Variants in ELAPOR2 observed in about 807,000 individuals in gnomAD.
ELAPOR2 encodes the protein endosome-lysosome associated apoptosis and autophagy regulator family member 2.
A neutral mutation model predicts 120.7 loss-of-function variants in ELAPOR2; 89 were observed. The ratio of observed to expected loss-of-function variants is 0.74; its 90% confidence interval spans 0.62 to 0.88. The LOEUF (loss-of-function observed/expected upper bound fraction) is 0.88, where lower values mean the gene tolerates loss of function less well. Among genes scored for constraint, ELAPOR2 ranks in the 40% least tolerant of loss-of-function variants. The pLI, the probability that ELAPOR2 is intolerant of heterozygous loss-of-function variation, is 0.00. For synonymous variants in ELAPOR2, 444 were observed against 444.9 expected (o/e 1.00, Z 0.03); for missense variants, 1,134 against 1,251.6 (o/e 0.91, Z 1.42).
At position 86,879,677 on chromosome 7, in the gene ELAPOR2, C is replaced by T. The variant is rs73382360; in HGVS notation, c.*794G>A. ...TTTCCTATTTACTTTAATTATACTT[C>T]TAGCACTACATAAACTGTTTTAAGT... is the stretch of plus-strand genomic sequence containing the variant. On this transcript the variant is annotated 3_prime_UTR_variant, in exon 22 of 22. Transcript: ENST00000450689. 55 of 152,298 alleles carry T rather than the reference C, an allele frequency of 3.6e-4. No homozygotes were observed. Among genetic ancestry groups the T allele is most frequent in the African/African-American group, 1.2e-3 (50 of 41,582 alleles). The allele number at this position is 152,298 out of a possible 1,614,324, so 9.4% of individuals were successfully genotyped here. A position where few individuals can be genotyped will look rare whatever the true frequency, so the allele number is the denominator to read the frequency against.
intron 5 of ELAPOR2, 43 bp from the exon 6 acceptor site, chr7:86,940,158 G>T: frequency 7.9e-7 from 1 of 1,264,040 alleles, no homozygotes; most frequent in Non-Finnish European, 1.1e-6. Flanking sequence ...GATAAGCCAT[G>T]CCATTTCCAA....
At chr7:86,946,642 C>T (rs1215271636) in intron 3 of ELAPOR2, among the ~76,000 whole-genome samples, 4 of 152,188 alleles carry the variant, frequency 2.6e-5, no homozygotes, top group African/African-American at 7.2e-5. Context: ...CTGCCTCGAC[C>T]TCCCAAAGTG....
chr7:86,935,273 G>A (rs1790514375), intron 8 of ELAPOR2, among the ~76,000 whole-genome samples: 1 of 151,922 alleles, frequency 6.6e-6, no homozygotes, highest in Admixed American at 6.6e-5. Context: ...GCAATCCCTT[G>A]CCCACATCCC....
chr7:86,920,807 C>G (rs1487032050), intron 10 of ELAPOR2: 1 of 152,242 alleles, frequency 6.6e-6, no homozygotes, highest in Admixed American at 6.6e-5. Context: ...TTCCCAGGCA[C>G]TGATAGAGGT....
At chr7:87,004,901 C>A (rs1793424895) in intron 1 of ELAPOR2, among the ~76,000 whole-genome samples, 1 of 152,110 alleles carries the variant, frequency 6.6e-6, no homozygotes, top group Non-Finnish European at 1.5e-5. Flanking sequence ...ATAAATCCTA[C>A]ATAGTAAGCA....
Position 87,055,654 on chromosome 7 carries a change from T to C in ELAPOR2, c.189+3671A>G, listed in dbSNP as rs192302324. 9.2e-5 allele frequency among the ~76,000 whole-genome samples: 14 copies of C among 152,270 alleles called. No homozygotes were observed. The East Asian group carries it at 2.5e-3, about 27-fold the overall frequency. On this transcript the variant is annotated intron_variant, in intron 1 of 21. Transcript: ENST00000450689. ...AATTAAGTCTCATTCACTTCCTCCA[T>C]AGGGCCTTTTCTGATCCCACCCCCC... is the stretch of plus-strand genomic sequence containing the variant.
chr7:87,008,541 T>A (rs907532155), intron 1 of ELAPOR2, among the ~76,000 whole-genome samples: 2 of 152,216 alleles, frequency 1.3e-5, no homozygotes, highest in Non-Finnish European at 2.9e-5. Context: ...CTTGTTCTTA[T>A]GGAAAGATGT....
At chr7:86,893,717 C>G (rs1788301908) in intron 19 of ELAPOR2, among the ~76,000 whole-genome samples, 1 of 152,016 alleles carries the variant, frequency 6.6e-6, no homozygotes, top group African/African-American at 2.4e-5. Context: ...ACTACCCACA[C>G]CAGTTACTTT....
In ELAPOR2 at chr7:86,909,915, C is replaced by A. The variant is rs1039849383; in HGVS notation, c.2256G>T (p.Leu752Phe). ...IVAGSDDYTN[L>F]VGAFVCQSTI... ...TTGACTGGCATACAAATGCCCCTAC[C>A]AAATTTGTGTAATCATCTGACCCTG... is the stretch of plus-strand genomic sequence containing the variant. Residue 752 changes from leucine (L) to phenylalanine (F), a missense_variant, in exon 16 of 22, where the codon TTG (leucine) becomes TTT (phenylalanine). Physicochemically the swap from Leu to Phe is conservative, Grantham distance 22. Coordinates refer to ENST00000450689, the MANE Select transcript of ELAPOR2 (RefSeq NM_001142749.3). 6 of 1,613,042 alleles carry A rather than the reference C, an allele frequency of 3.7e-6. No individual in the cohort carries two copies. The highest frequency in any genetic ancestry group is 5.1e-6 in the Non-Finnish European group (6 of 1,179,394).
At chr7:86,915,213 T>C (rs1789512785) in intron 12 of ELAPOR2, among the ~76,000 whole-genome samples, 1 of 152,078 alleles carries the variant, frequency 6.6e-6, no homozygotes, top group Non-Finnish European at 1.5e-5. Flanking sequence ...CTCCTCAAAC[T>C]TCTTACAATA....
intron 21 of ELAPOR2, among the ~76,000 whole-genome samples, chr7:86,891,012 A>G (rs560081643): frequency 1.0e-3 from 153 of 152,144 alleles, no homozygotes; most frequent in Non-Finnish European, 1.6e-3. Context: ...TTTTAAGTCA[A>G]TGGTGAAAAA....
chr7:86,897,458 T>C lies in ELAPOR2; in HGVS notation c.2685+48A>G, dbSNP rs754141464. ...TGAGTTTCTATGATTTGATGCCAGA[T>C]TAACCAACTATAATGCCGAAGCTCT... On this transcript the variant is annotated intron_variant, in intron 19 of 21. Coordinates refer to ENST00000450689, the MANE Select transcript of ELAPOR2 (RefSeq NM_001142749.3). 8 of 1,585,700 alleles carry C rather than the reference T, an allele frequency of 5.0e-6. No homozygotes were observed. In the Admixed American group the frequency reaches 9.0e-5, roughly 18 times the overall value.
intron 19 of ELAPOR2, among the ~76,000 whole-genome samples, chr7:86,894,009 C>G (rs1049450455): frequency 6.6e-5 from 10 of 151,994 alleles, no homozygotes; most frequent in African/African-American, 2.4e-4. Context: ...ATTAAACTTT[C>G]TGGTATATGA....
At position 87,059,350 on chromosome 7, in the gene ELAPOR2, C is replaced by A; in HGVS notation, c.164G>T (p.Ser55Ile). The A allele has an allele frequency of 8.0e-7, 1 of 1,247,958 alleles. No homozygotes were observed. 77.3% of individuals were successfully genotyped at this position (1,247,958 alleles called of 1,614,324 possible). A position where few individuals can be genotyped will look rare whatever the true frequency, so the allele number is the denominator to read the frequency against. The change falls in exon 1 of 22, where the codon AGC becomes ATC. Residue 55 changes from serine to isoleucine, a missense_variant. Ser to Ile is a moderately radical substitution (Grantham distance 142). Transcript: ENST00000450689. Reference sequence around the variant, plus strand: ...CTCCTGGCAAGGAGGAAGCGGGCGGCTGGAGGAGGAGGGCAGGTCCCCAGC... The same window carrying A: ...CTCCTGGCAAGGAGGAAGCGGGCGGATGGAGGAGGAGGGCAGGTCCCCAGC... ...AWAGDLPSSS[S>I]RPLPPCQEKD...
chr7:87,036,208 T>C (rs1460983747), intron 1 of ELAPOR2, among the ~76,000 whole-genome samples: 1 of 152,218 alleles, frequency 6.6e-6, no homozygotes, highest in African/African-American at 2.4e-5. Flanking sequence ...GCATGGTGCC[T>C]CACACCTGCA....
chr7:86,904,882 A>G (rs149581211), intron 18 of ELAPOR2, among the ~76,000 whole-genome samples: 6 of 152,198 alleles, frequency 3.9e-5, no homozygotes, highest in Non-Finnish European at 8.8e-5. Flanking sequence ...AAGAAATGAG[A>G]TTTCCTGAGG....
At chr7:87,048,087 T>C (rs1262006662) in intron 1 of ELAPOR2, among the ~76,000 whole-genome samples, 2 of 151,808 alleles carry the variant, frequency 1.3e-5, no homozygotes, top group Non-Finnish European at 2.9e-5. Flanking sequence ...CTACTAAAAA[T>C]ACAAAAATTA....
chr7:86,933,691 T>G (rs1790434996), intron 8 of ELAPOR2, among the ~76,000 whole-genome samples: 1 of 151,970 alleles, frequency 6.6e-6, no homozygotes, highest in African/African-American at 2.4e-5. Flanking sequence ...GTCCAACCCC[T>G]TCATTAGAGA....
intron 4 of ELAPOR2, among the ~76,000 whole-genome samples, chr7:86,943,938 A>T (rs1167569718): frequency 6.6e-6 from 1 of 152,098 alleles, no homozygotes; most frequent in East Asian, 1.9e-4. Flanking sequence ...ATTGCTCAAT[A>T]ACAGTGTTAA....
Sources: gnomAD v4.1 joint callset for allele counts (sites outside exome capture counted in the v4.1 genomes callset) on GRCh38, gnomAD v4.1.1 for gene constraint, MANE v1.5 for transcripts, NCBI Gene and HGNC (gene_info 2026-07-23, HGNC 2026-07-21) for gene names.